B4GALNT3: variants seen among roughly 807,000 people sequenced by gnomAD.
B4GALNT3 encodes beta-1,4-N-acetyl-galactosaminyltransferase 3.
B4GALNT3 carries 86 observed loss-of-function variants against 120.2 expected under a neutral mutation model. That is an observed-to-expected ratio of 0.72 (90% CI 0.60 to 0.86). The LOEUF is 0.86. Ranked by LOEUF, B4GALNT3 falls within the 40% of genes least tolerant of loss-of-function variation. The pLI is 0.00. For missense variants in B4GALNT3, 1,167 were observed against 1,298.9 expected (o/e 0.90, Z 1.56); for synonymous variants, 518 against 510.4 (o/e 1.01, Z -0.20).
chr12:556,047 T>C (rs1031189281), intron 14 of B4GALNT3, among the ~76,000 whole-genome samples: 83 of 152,282 alleles, frequency 5.5e-4, no homozygotes, highest in African/African-American at 1.9e-3. Flanking sequence ...CCTCCCAAAA[T>C]GCTGGGATTA....
rs1260453642 is a variant in B4GALNT3 at position 512,553 on chromosome 12, GACCTTCC to G, written c.170-22592_170-22586del. 1.2e-3 allele frequency among the ~76,000 whole-genome samples: 69 copies of G among 56,094 alleles called. 1 individual carries two copies. The highest frequency in any genetic ancestry group is 1.7e-3 in the African/African-American group (21 of 12,180). The allele number at this position is 56,094 out of a possible 152,430, so 36.8% of individuals were successfully genotyped here. On this transcript the variant is annotated intron_variant, in intron 1 of 19. Transcript: ENST00000266383. ...CTTCCACCTTCAACCTTCCACCTTC[GACCTTCC>G]ACCTTCCACCTTCCACCTTCTTCCA...
Position 551,048 on chromosome 12 carries a change from G to A in B4GALNT3, c.1107+17G>A, listed in dbSNP as rs1454032830. The A allele has an allele frequency of 7.0e-6, 11 of 1,579,050 alleles. No individual in the cohort carries two copies. Among genetic ancestry groups the A allele is most frequent in the Non-Finnish European group, 9.6e-6 (11 of 1,148,882 alleles). ...CTCCGGTTTGTAAGTCTTGGGCCTG[G>A]GTCATGGAGAGCAGGGCTGGCAGAG... is the stretch of plus-strand genomic sequence containing the variant. On this transcript the variant is annotated intron_variant, in intron 11 of 19. Coordinates refer to ENST00000266383, the MANE Select transcript of B4GALNT3 (RefSeq NM_173593.4).
intron 1 of B4GALNT3, among the ~76,000 whole-genome samples, chr12:464,549 C>G (rs1457176775): frequency 6.6e-6 from 1 of 151,946 alleles, no homozygotes; most frequent in Non-Finnish European, 1.5e-5. Context: ...AGGAGAATTG[C>G]TTAACTCAGG....
At chr12:533,089 C>T (rs1317007098) in intron 1 of B4GALNT3, among the ~76,000 whole-genome samples, 1 of 152,188 alleles carries the variant, frequency 6.6e-6, no homozygotes, top group East Asian at 1.9e-4. Flanking sequence ...GCCCATCCTC[C>T]TCCTCCCCAC....
intron 13 of B4GALNT3, 104 bp downstream of exon 13, chr12:552,632 A>C (rs1947098840): frequency 1.5e-5 from 17 of 1,128,862 alleles, no homozygotes; most frequent in Non-Finnish European, 2.0e-5. Flanking sequence ...TGAGGAGCTC[A>C]AGATCCAAAT....
rs111211618 is a variant in B4GALNT3, at chr12:512,018, C to T, written c.170-23148C>T. 2.6e-3 allele frequency among the ~76,000 whole-genome samples: 363 copies of T among 140,364 alleles called. 14 individuals carry two copies. The highest frequency in any genetic ancestry group is 9.5e-3 in the African/African-American group (332 of 35,048). The allele number at this position is 140,364 out of a possible 152,430, so 92.1% of individuals were successfully genotyped here. Reference sequence around the variant, plus strand: ...CATCTTCCTTCCACCTTCCACCTTCCGCCTTCCACCTTCTACCTTCTGCCT... The same window carrying T: ...CATCTTCCTTCCACCTTCCACCTTCTGCCTTCCACCTTCTACCTTCTGCCT... On this transcript the variant is annotated intron_variant, in intron 1 of 19. Coordinates refer to ENST00000266383, the MANE Select transcript of B4GALNT3 (RefSeq NM_173593.4).
At chr12:524,896 T>A (rs1040213988) in intron 1 of B4GALNT3, among the ~76,000 whole-genome samples, 1 of 152,182 alleles carries the variant, frequency 6.6e-6, no homozygotes, top group Non-Finnish European at 1.5e-5. Flanking sequence ...GTTTGTCCTC[T>A]GTTAAATGCA....
rs553861974 is a variant in B4GALNT3, at chr12:556,722, G to A, written c.2236G>A (p.Glu746Lys). The A allele has an allele frequency of 2.8e-5, 45 of 1,613,826 alleles. No homozygotes were observed. The highest frequency in any genetic ancestry group is 1.9e-4 in the South Asian group (17 of 91,072). The change falls in exon 15 of 20, where the codon GAG becomes AAG. Residue 746 changes from glutamate (E) to lysine (K), a missense_variant. Coordinates refer to ENST00000266383, the MANE Select transcript of B4GALNT3 (RefSeq NM_173593.4). Reference protein sequence around the residue: ...GIDPAGGEEVEARNLQGLVWD... With the variant: ...GIDPAGGEEVKARNLQGLVWD... ...CGATCCAGCTGGTGGGGAGGAGGTC[G>A]AGGCCCGGAACCTGCAAGGCCTGGT... is the stretch of plus-strand genomic sequence containing the variant.
intron 3 of B4GALNT3, among the ~76,000 whole-genome samples, chr12:541,940 G>T (rs1474071691): frequency 1.3e-5 from 2 of 150,048 alleles, no homozygotes; most frequent in Admixed American, 1.3e-4. Context: ...CTCCCTCCTG[G>T]GATCTGTATC....
chr12:558,260 G>A (rs558708615), intron 17 of B4GALNT3, among the ~76,000 whole-genome samples, 172 bp downstream of exon 17: 1 of 152,318 alleles, frequency 6.6e-6, no homozygotes, highest in Non-Finnish European at 1.5e-5. Flanking sequence ...GCAAATCACA[G>A]TGGAGCATTT....
chr12:535,549 G>A (rs1048002934), intron 2 of B4GALNT3, among the ~76,000 whole-genome samples: 50 of 152,248 alleles, frequency 3.3e-4, no homozygotes, highest in South Asian at 6.2e-4. Context: ...TGCCCGTGCC[G>A]GAACCACTCC....
chr12:516,014 C>T (rs1378171290), intron 1 of B4GALNT3, among the ~76,000 whole-genome samples: 3 of 151,888 alleles, frequency 2.0e-5, no homozygotes, highest in African/African-American at 7.3e-5. Flanking sequence ...GGCGTGGTGG[C>T]GGGTGCCTGT....
At position 489,956 on chromosome 12, in the gene B4GALNT3, A is replaced by G. The variant is rs912515376; in HGVS notation, c.169+29411A>G. 2.0e-5 allele frequency among the ~76,000 whole-genome samples: 3 copies of G among 152,354 alleles called. No individual in the cohort carries two copies. In the East Asian group the frequency reaches 5.8e-4, roughly 29 times the overall value. On this transcript the variant is annotated intron_variant, in intron 1 of 19. Transcript: ENST00000266383. Reference sequence around the variant, plus strand: ...AATTAAACTAAAAATCAATAACAGAAAGATAACTGGAAAGTCCTCAAATAT... The same window carrying G: ...AATTAAACTAAAAATCAATAACAGAGAGATAACTGGAAAGTCCTCAAATAT...
intron 1 of B4GALNT3, among the ~76,000 whole-genome samples, chr12:482,218 T>G (rs994716978): frequency 6.6e-6 from 1 of 152,164 alleles, no homozygotes; most frequent in African/African-American, 2.4e-5. Flanking sequence ...GGCTGATACT[T>G]TGGGACACGT....
intron 1 of B4GALNT3, among the ~76,000 whole-genome samples, chr12:506,305 G>A (rs1435953062): frequency 6.6e-6 from 1 of 152,108 alleles, no homozygotes; most frequent in Non-Finnish European, 1.5e-5. Context: ...GGAGGTCACT[G>A]GGATCACAAA....
chr12:556,823 T>C lies in B4GALNT3; in HGVS notation c.2337T>C (p.Gly779=), dbSNP rs1232848896. Residue 779 remains glycine, a synonymous_variant, in exon 15 of 20, where the codon GGT becomes GGC. Coordinates refer to ENST00000266383, the MANE Select transcript of B4GALNT3 (RefSeq NM_173593.4). ...AQEPKLCWPQ[G]FSWSHRAVVH... ...AGCCCAAGCTGTGCTGGCCTCAGGGTTTCTCCTGGAGTCACCGAGCCGTGG... is the reference window on the plus strand; with the variant it reads ...AGCCCAAGCTGTGCTGGCCTCAGGGCTTCTCCTGGAGTCACCGAGCCGTGG... 6.2e-7 allele frequency: 1 copy of C among 1,613,010 alleles called. No homozygotes were observed. Among genetic ancestry groups the C allele is most frequent in the East Asian group, 2.2e-5 (1 of 44,854 alleles).
chr12:511,693 GTCTTCCACCTT>G (rs1380776447), intron 1 of B4GALNT3, among the ~76,000 whole-genome samples: 2 of 23,068 alleles, frequency 8.7e-5, no homozygotes, highest in South Asian at 2.1e-3. Context: ...TCCACCTTCT[GTCTTCCACCTT>G]CCTTCCACCT....
chr12:556,897 A>C, intron 15 of B4GALNT3, 31 bp downstream of exon 15: 2 of 1,577,876 alleles, frequency 1.3e-6, no homozygotes, highest in Non-Finnish European at 1.7e-6. Context: ...CGGCATTCTC[A>C]GGGGCGGGGT....
At chr12:514,939 G>T (rs529607747) in intron 1 of B4GALNT3, among the ~76,000 whole-genome samples, 14 of 152,254 alleles carry the variant, frequency 9.2e-5, no homozygotes, top group African/African-American at 3.1e-4. Flanking sequence ...TGAGGCAAGA[G>T]AATCGCTTGA....
Sources: gnomAD v4.1 joint callset for allele counts (sites outside exome capture counted in the v4.1 genomes callset) on GRCh38, gnomAD v4.1.1 for gene constraint, MANE v1.5 for transcripts, NCBI Gene and HGNC (gene_info 2026-07-23, HGNC 2026-07-21) for gene names.